The following MAP2K3 variants were observed in gnomAD, a reference collection of about 807,000 sequenced individuals.
MAP2K3 encodes the protein dual specificity mitogen-activated protein kinase kinase 3.
A neutral mutation model predicts 46.4 loss-of-function variants in MAP2K3; 30 were observed. The observed-to-expected ratio is 0.65, with a 90% confidence interval of 0.48 to 0.88. The LOEUF is 0.88. Ranked by LOEUF, MAP2K3 falls within the 40% of genes least tolerant of loss-of-function variation. The pLI is 0.00. For missense variants in MAP2K3, 380 were observed against 464.5 expected, an observed-to-expected ratio of 0.82 and a Z score of 1.67; for synonymous variants, 189 against 176.3, an observed-to-expected ratio of 1.07 and a Z score of -0.57.
At chr17:21,285,703 C>G (rs1975704537) in intron 1 of MAP2K3, among the ~76,000 whole-genome samples, 1 of 152,230 alleles carries the variant, frequency 6.6e-6, no homozygotes, top group South Asian at 2.1e-4. Flanking sequence ...CTTCTCCCTG[C>G]ACTGGGGGTT....
At chr17:21,308,504 A>G (rs1293647915) in intron 9 of MAP2K3, among the ~76,000 whole-genome samples, 1 of 152,302 alleles carries the variant, frequency 6.6e-6, no homozygotes, top group Non-Finnish European at 1.5e-5. Context: ...ATCTGTAGAC[A>G]GTGACTGGGA....
At chr17:21,287,330 C>T (rs1395916030) in intron 1 of MAP2K3, among the ~76,000 whole-genome samples, 2 of 152,252 alleles carry the variant, frequency 1.3e-5, no homozygotes, top group East Asian at 1.9e-4. Flanking sequence ...AGATGCAGAA[C>T]TCAGCTTGGA....
chr17:21,290,160 C>T (rs146725117), intron 1 of MAP2K3, among the ~76,000 whole-genome samples: 1,941 of 152,212 alleles, frequency 0.013, 25 homozygotes, highest in Admixed American at 0.022. Context: ...GGCAGGGCTG[C>T]GAGGGGCTGT....
chr17:21,300,412 G>A (rs1976526184), intron 3 of MAP2K3, 133 bp from the exon 4 acceptor site: 1 of 872,876 alleles, frequency 1.1e-6, no homozygotes, highest in African/African-American at 1.7e-5. Flanking sequence ...ACAGCAGGGA[G>A]CGGTGGATAT....
intron 6 of MAP2K3, among the ~76,000 whole-genome samples, chr17:21,302,650 G>A (rs1976672687): frequency 2.0e-5 from 3 of 152,308 alleles, no homozygotes; most frequent in African/African-American, 7.2e-5. Context: ...TCCAAAATGT[G>A]TGCTTTTTGA....
In MAP2K3 at chr17:21,285,079, C is replaced by A. The variant is rs41309276; in HGVS notation, c.49+110C>A. 24 of 1,435,032 alleles carry A rather than the reference C, an allele frequency of 1.7e-5. No individual in the cohort carries two copies. In the African/African-American group the frequency reaches 2.9e-4, roughly 17 times the overall value. 88.9% of individuals were successfully genotyped at this position (1,435,032 alleles called of 1,614,324 possible). A position where few individuals can be genotyped will look rare whatever the true frequency, so the allele number is the denominator to read the frequency against. On this transcript the variant is annotated intron_variant, in intron 1 of 11. Coordinates refer to ENST00000342679, the MANE Select transcript of MAP2K3 (RefSeq NM_145109.3). ...CCCCATCCTGTTCTCGACCTGGCAGCGGCGTCCGGTCCCGGAACCCCTTCC... is the reference window on the plus strand; with the variant it reads ...CCCCATCCTGTTCTCGACCTGGCAGAGGCGTCCGGTCCCGGAACCCCTTCC...
chr17:21,285,313 T>C, intron 1 of MAP2K3: 1 of 984,896 alleles, frequency 1.0e-6, no homozygotes, highest in South Asian at 4.7e-5. Context: ...GTCTTCTCCC[T>C]CAGCGGGACC....
At chr17:21,302,895 G>C (rs559814839) in intron 6 of MAP2K3, among the ~76,000 whole-genome samples, 2 of 152,310 alleles carry the variant, frequency 1.3e-5, no homozygotes, top group African/African-American at 4.8e-5. Flanking sequence ...GCTGCCAAGA[G>C]CTGGGTTTTA....
chr17:21,289,654 C>G (rs1249390246), intron 1 of MAP2K3, among the ~76,000 whole-genome samples: 1 of 152,232 alleles, frequency 6.6e-6, no homozygotes. Flanking sequence ...CTGCAGATGC[C>G]TCCCCGAAGC....
intron 6 of MAP2K3, among the ~76,000 whole-genome samples, chr17:21,302,561 G>T (rs1274011053): frequency 6.6e-6 from 1 of 152,310 alleles, no homozygotes; most frequent in Non-Finnish European, 1.5e-5. Context: ...AAGGAATTTA[G>T]TATTTACAAC....
At chr17:21,307,355 A>C (rs1403176917) in intron 9 of MAP2K3, among the ~76,000 whole-genome samples, 2 of 152,290 alleles carry the variant, frequency 1.3e-5, no homozygotes, top group African/African-American at 4.8e-5. Context: ...TTTTTATGCC[A>C]CGGGGGTGGA....
chr17:21,302,297 G>C lies in MAP2K3; in HGVS notation c.516+38G>C, dbSNP rs559851615. On this transcript the variant is annotated intron_variant, in intron 6 of 11. Coordinates refer to ENST00000342679, the MANE Select transcript of MAP2K3 (RefSeq NM_145109.3). ...GGTGGGCTGGCGGGGGGTCCTAGGT[G>C]CATAGGCAGAGGCCCAGCCCTGCCA... 2.0e-6 allele frequency: 3 copies of C among 1,533,364 alleles called. No individual in the cohort carries two copies. In the East Asian group the frequency reaches 6.8e-5, roughly 35 times the overall value. 95.0% of individuals were successfully genotyped at this position (1,533,364 alleles called of 1,614,324 possible).
chr17:21,296,113 T>C, intron 1 of MAP2K3: 1 of 1,289,572 alleles, frequency 7.8e-7, no homozygotes, highest in East Asian at 5.5e-5. Context: ...ATGGTGACCA[T>C]TTATGGGCCA....
intron 11 of MAP2K3, chr17:21,313,877 C>T (rs1977283758): frequency 1.7e-6 from 1 of 573,426 alleles, no homozygotes; most frequent in East Asian, 2.9e-5. Context: ...AGAGGCTGTC[C>T]CAAGCAGAAG....
At chr17:21,298,292 C>A in intron 1 of MAP2K3, 121 bp from the exon 2 acceptor site, 1 of 1,423,814 alleles carries the variant, frequency 7.0e-7, no homozygotes, top group Non-Finnish European at 9.9e-7. Context: ...AGAGGGGGCT[C>A]CCGGCATGGG....
At chr17:21,312,933 A>G (rs1217218490) in intron 10 of MAP2K3, among the ~76,000 whole-genome samples, 4 of 151,824 alleles carry the variant, frequency 2.6e-5, no homozygotes, top group Non-Finnish European at 5.9e-5. Flanking sequence ...AAAAAAAAAA[A>G]TCATGTTTGA....
At chr17:21,308,000 C>G (rs1177892937) in intron 9 of MAP2K3, among the ~76,000 whole-genome samples, 8 of 152,072 alleles carry the variant, frequency 5.3e-5, no homozygotes, top group African/African-American at 1.7e-4. Context: ...GGATTATAGG[C>G]GTGAGCCACC....
At chr17:21,307,039 G>A (rs1976921386) in intron 9 of MAP2K3, among the ~76,000 whole-genome samples, 1 of 152,308 alleles carries the variant, frequency 6.6e-6, no homozygotes, top group Non-Finnish European at 1.5e-5. Context: ...GCCTACCTCG[G>A]CCTCCCAAAG....
chr17:21,294,839 T>C (rs1976149756), intron 1 of MAP2K3, among the ~76,000 whole-genome samples: 2 of 152,312 alleles, frequency 1.3e-5, no homozygotes, highest in African/African-American at 2.4e-5. Flanking sequence ...ACTTTACATA[T>C]GTCCAGAGAG....
Sources: allele counts gnomAD v4.1 joint callset (sites outside exome capture counted in the v4.1 genomes callset), GRCh38; gene constraint gnomAD v4.1.1; transcripts MANE v1.5; gene names NCBI Gene and HGNC (gene_info 2026-07-23, HGNC 2026-07-21).